The following EVI5 variants were observed in gnomAD, a reference collection of about 807,000 sequenced individuals.
EVI5 encodes the protein ecotropic viral integration site 5 protein homolog.
In EVI5, 73 loss-of-function variants were observed where a neutral mutation model predicts 112.0. That is an observed-to-expected ratio of 0.65 (90% CI 0.54 to 0.79). The LOEUF (loss-of-function observed/expected upper bound fraction) is 0.79, where lower values mean the gene tolerates loss of function less well. Ranked by LOEUF, EVI5 falls within the 30% of genes least tolerant of loss-of-function variation. The pLI is 0.00. For missense variants in EVI5, 900 were observed against 968.8 expected (o/e 0.93, Z 0.94); for synonymous variants, 305 against 319.9 (o/e 0.95, Z 0.50).
intron 2 of EVI5, among the ~76,000 whole-genome samples, chr1:92,721,848 G>A (rs966536851): frequency 1.3e-5 from 2 of 152,098 alleles, no homozygotes; most frequent in South Asian, 4.1e-4. Context: ...TAGTTGCACA[G>A]TAATTACTGA....
intron 18 of EVI5, among the ~76,000 whole-genome samples, chr1:92,600,522 C>G (rs1008297212): frequency 1.3e-5 from 2 of 152,136 alleles, no homozygotes; most frequent in Non-Finnish European, 2.9e-5. Flanking sequence ...TTCACTGTTG[C>G]AACAATTAGT....
chr1:92,733,843 T>C (rs566222469), intron 2 of EVI5, among the ~76,000 whole-genome samples: 6 of 152,320 alleles, frequency 3.9e-5, no homozygotes, highest in East Asian at 3.9e-4. Context: ...CAAAGGTGCG[T>C]TTCCTGTTGA....
At chr1:92,792,374 A>G (rs772981718) in exon 1 of EVI5, 2 of 1,611,132 alleles carry the variant, frequency 1.2e-6, no homozygotes, top group Non-Finnish European at 1.7e-6. Flanking sequence ...TAAAGGCAGC[A>G]GTCATTTTGT....
chr1:92,785,367 C>T (rs1441538962), upstream of EVI5, among the ~76,000 whole-genome samples: 2 of 152,208 alleles, frequency 1.3e-5, no homozygotes, highest in South Asian at 2.1e-4. Context: ...CACACCCCCT[C>T]GGGGGCCCGA....
intron 18 of EVI5, among the ~76,000 whole-genome samples, chr1:92,571,192 T>C (rs1341387584): frequency 6.8e-6 from 1 of 148,062 alleles, no homozygotes; most frequent in Non-Finnish European, 1.5e-5. Flanking sequence ...CATAAACACA[T>C]GCACACACAC....
intron 13 of EVI5, among the ~76,000 whole-genome samples, chr1:92,642,270 A>T (rs1660139030): frequency 6.6e-6 from 1 of 152,248 alleles, no homozygotes; most frequent in African/African-American, 2.4e-5. Flanking sequence ...GTTAATGCTA[A>T]GAAAATGTTA....
intron 1 of EVI5, among the ~76,000 whole-genome samples, chr1:92,748,325 G>A (rs1679629307): frequency 1.3e-5 from 2 of 152,190 alleles, no homozygotes; most frequent in Admixed American, 6.5e-5. Flanking sequence ...TGAGGTTCCA[G>A]CCTCAACCAC....
At chr1:92,681,507 C>A (rs1314681091) in intron 9 of EVI5, among the ~76,000 whole-genome samples, 2 of 152,180 alleles carry the variant, frequency 1.3e-5, no homozygotes, top group African/African-American at 2.4e-5. Context: ...TCAACTCTTA[C>A]AACTGTCATG....
chr1:92,664,010 A>T (rs1164290736), intron 11 of EVI5, among the ~76,000 whole-genome samples: 1 of 152,178 alleles, frequency 6.6e-6, no homozygotes, highest in Non-Finnish European at 1.5e-5. Flanking sequence ...AGCCTCCCGA[A>T]GTGCGGGGAT....
At chr1:92,544,071 A>T (rs963884473) in intron 19 of EVI5, among the ~76,000 whole-genome samples, 19 of 152,248 alleles carry the variant, frequency 1.2e-4, no homozygotes, top group African/African-American at 4.6e-4. Context: ...AAAGCCAGTC[A>T]CAGAAAACCA....
intron 14 of EVI5, among the ~76,000 whole-genome samples, chr1:92,635,564 A>C (rs1232876286): frequency 6.6e-6 from 1 of 152,170 alleles, no homozygotes; most frequent in African/African-American, 2.4e-5. Context: ...CCGATTTTCC[A>C]GGTGCCGTCC....
chr1:92,574,333 A>G (rs1419155241), intron 18 of EVI5, among the ~76,000 whole-genome samples: 1 of 152,198 alleles, frequency 6.6e-6, no homozygotes, highest in Non-Finnish European at 1.5e-5. Flanking sequence ...GCCACAGTAG[A>G]AAGTGGGCAT....
At chr1:92,681,969 T>C (rs967635368) in intron 9 of EVI5, among the ~76,000 whole-genome samples, 2 of 152,110 alleles carry the variant, frequency 1.3e-5, no homozygotes, top group Non-Finnish European at 2.9e-5. Flanking sequence ...TACAGTCCCA[T>C]TGGTTTTCCT....
At chr1:92,776,872 A>G (rs1160672091) in intron 1 of EVI5, among the ~76,000 whole-genome samples, 3 of 149,036 alleles carry the variant, frequency 2.0e-5, no homozygotes, top group Non-Finnish European at 4.4e-5. Flanking sequence ...GCAAGATCTC[A>G]GCTCACTGCA....
chr1:92,610,898 G>C (rs1253927428), intron 16 of EVI5, among the ~76,000 whole-genome samples: 2 of 150,832 alleles, frequency 1.3e-5, no homozygotes, highest in Non-Finnish European at 3.0e-5. Context: ...ATTGAACAAT[G>C]AGATCACATG....
chr1:92,687,584 A>G (rs1236392000), intron 9 of EVI5, among the ~76,000 whole-genome samples: 1 of 152,216 alleles, frequency 6.6e-6, no homozygotes, highest in African/African-American at 2.4e-5. Flanking sequence ...AGAAGAAACT[A>G]TCACCAGAGT....
At chr1:92,756,922 A>T (rs1681047282) in intron 1 of EVI5, 4 of 360,180 alleles carry the variant, frequency 1.1e-5, no homozygotes, top group Non-Finnish European at 1.7e-5. Flanking sequence ...AGACAAATGA[A>T]CATTACCCTT....
At chr1:92,706,598 T>C (rs912434404) in intron 2 of EVI5, among the ~76,000 whole-genome samples, 37 of 152,346 alleles carry the variant, frequency 2.4e-4, no homozygotes, top group African/African-American at 8.9e-4. Context: ...AGAAGGCTTT[T>C]AGAGAGTCAA....
At chr1:92,550,919 A>C (rs1006252096) in intron 19 of EVI5, among the ~76,000 whole-genome samples, 2 of 144,526 alleles carry the variant, frequency 1.4e-5, no homozygotes, top group African/African-American at 2.5e-5. Context: ...TAATTTAATT[A>C]ATAAAATGAT....
Sources: allele counts gnomAD v4.1 joint callset (sites outside exome capture counted in the v4.1 genomes callset), GRCh38; gene constraint gnomAD v4.1.1; transcripts MANE v1.5; gene names NCBI Gene and HGNC (gene_info 2026-07-23, HGNC 2026-07-21).